The following ZNF613 variants were observed in gnomAD, a reference collection of about 807,000 sequenced individuals.
The protein encoded by ZNF613 is zinc finger protein 613.
Under a neutral mutation model 14.3 loss-of-function variants are expected in ZNF613, and 8 were observed. That is an observed-to-expected ratio of 0.56 (90% CI 0.33 to 1.01). The LOEUF is 1.01. Ranked by LOEUF, ZNF613 falls within the 50% of genes least tolerant of loss-of-function variation. The pLI, the probability that ZNF613 is intolerant of heterozygous loss-of-function variation, is 0.03. For missense variants in ZNF613, 656 were observed against 741.9 expected, an observed-to-expected ratio of 0.88 and a Z score of 1.35; for synonymous variants, 228 against 254.5, an observed-to-expected ratio of 0.90 and a Z score of 0.99.
At chr19:51,932,302 CTTTTTTTTTT>C (rs34474633) in intron 2 of ZNF613, among the ~76,000 whole-genome samples, 3 of 90,944 alleles carry the variant, frequency 3.3e-5, no homozygotes, top group African/African-American at 4.2e-5. Flanking sequence ...CTCCCAACAT[CTTTTTTTTTT>C]TTTTTTTTTT....
chr19:51,932,577 G>T (rs1361223572), intron 2 of ZNF613, among the ~76,000 whole-genome samples: 1 of 152,112 alleles, frequency 6.6e-6, no homozygotes, highest in Non-Finnish European at 1.5e-5. Context: ...GATTACAGGC[G>T]TGAGCCACCG....
At chr19:51,929,254 G>A (rs1368084627) in intron 1 of ZNF613, among the ~76,000 whole-genome samples, 1 of 152,118 alleles carries the variant, frequency 6.6e-6, no homozygotes, top group South Asian at 2.1e-4. Context: ...ATACCATCAA[G>A]AGGCAAAACT....
rs1211333488 is a variant in ZNF613 at position 51,945,259 on chromosome 19, C to G, written c.1376C>G (p.Thr459Ser). 1 of 1,614,086 alleles carries G rather than the reference C, an allele frequency of 6.2e-7. No homozygotes were observed. The change falls in exon 6 of 6, where the codon ACT (threonine) becomes AGT (serine). Residue 459 changes from threonine (T) to serine (S), a missense_variant. Transcript: ENST00000293471. ...FHTGKTPFVC[T>S]ECGKSCSHKS... is the part of the protein sequence containing the mutation. ...ACAGGAAAGACACCCTTTGTATGTA[C>G]TGAGTGTGGAAAATCCTGCTCACAC...
chr19:51,928,450 T>A (rs1211901555), intron 1 of ZNF613, among the ~76,000 whole-genome samples: 2 of 152,206 alleles, frequency 1.3e-5, no homozygotes, highest in African/African-American at 4.8e-5. Flanking sequence ...TCTCAGTCCC[T>A]TTTAAGTTTC....
At chr19:51,929,448 T>A (rs1028172123) in intron 1 of ZNF613, among the ~76,000 whole-genome samples, 7 of 152,208 alleles carry the variant, frequency 4.6e-5, no homozygotes. Flanking sequence ...GGTGTGTTTT[T>A]AATTTTGACC....
chr19:51,937,054 G>A (rs1426113230), intron 3 of ZNF613, among the ~76,000 whole-genome samples: 5 of 152,196 alleles, frequency 3.3e-5, no homozygotes, highest in African/African-American at 1.2e-4. Context: ...AGGTTGGTGT[G>A]TGCAGAGAGA....
intron 3 of ZNF613, among the ~76,000 whole-genome samples, chr19:51,937,386 G>T (rs1387887094): frequency 6.6e-6 from 1 of 152,162 alleles, no homozygotes; most frequent in African/African-American, 2.4e-5. Flanking sequence ...ACACCTATTG[G>T]GTGTTAGAGA....
In ZNF613 at chr19:51,944,741, G is replaced by A; in HGVS notation, c.858G>A (p.Lys286=). Reference sequence around the variant, plus strand: ...ACCAGAAAATTCATACAGGAGAGAAGTCATATATATGCAGTGATTGTGGAA... The same window carrying A: ...ACCAGAAAATTCATACAGGAGAGAAATCATATATATGCAGTGATTGTGGAA... The part of the protein sequence containing the change: ...NAHQKIHTGE[K]SYICSDCGKG... Residue 286 remains lysine (K), a synonymous_variant, in exon 6 of 6, where the codon AAG becomes AAA. Transcript: ENST00000293471. 1 of 1,613,282 alleles carries A rather than the reference G, an allele frequency of 6.2e-7. No homozygotes were observed. The highest frequency in any genetic ancestry group is 8.5e-7 in the Non-Finnish European group (1 of 1,179,896).
rs372326461 is a variant in ZNF613 at position 51,945,688 on chromosome 19, C to T, written c.1805C>T (p.Pro602Leu). ...AGCAAAGTAGCCATTGTGAGCCAGC[C>T]TGTTGCCAGAAGTTCAGTCTCAGCA... Reference protein sequence around the residue: ...AESKVAIVSQPVARSSVSADS... With the variant: ...AESKVAIVSQLVARSSVSADS... Residue 602 changes from proline to leucine, a missense_variant, in exon 6 of 6, where the codon CCT (proline) becomes CTT (leucine). Physicochemically the swap from Pro to Leu is moderately conservative, Grantham distance 98 (BLOSUM62 -3). Transcript: ENST00000293471. 3 of 1,614,034 alleles carry T rather than the reference C, an allele frequency of 1.9e-6. No individual in the cohort carries two copies. Among genetic ancestry groups the T allele is most frequent in the African/African-American group, 2.7e-5 (2 of 74,924 alleles).
At chr19:51,937,883 C>T (rs60581730) in intron 3 of ZNF613, among the ~76,000 whole-genome samples, 13,770 of 151,866 alleles carry the variant, frequency 0.091, 751 homozygotes, top group South Asian at 0.23. Context: ...GCATGCACTA[C>T]GACTGCCCGG....
intron 3 of ZNF613, among the ~76,000 whole-genome samples, chr19:51,939,096 A>G (rs1424960674): frequency 2.6e-5 from 4 of 151,572 alleles, no homozygotes; most frequent in Non-Finnish European, 2.9e-5. Context: ...GACCTTACCT[A>G]TCCTCTGTAT....
Position 51,927,480 on chromosome 19 carries a change from G to C in ZNF613, c.-419G>C, listed in dbSNP as rs568084726. ...TTGGAGGCTGGGGGAGGGCCCAGAA[G>C]TGGAATAATTCAGGAAAGTGCAGGT... On this transcript the variant is annotated 5_prime_UTR_variant, in exon 1 of 6. Coordinates refer to ENST00000293471, the MANE Select transcript of ZNF613 (RefSeq NM_001031721.4). 1 of 152,308 alleles carries C rather than the reference G, an allele frequency of 6.6e-6. No individual in the cohort carries two copies. The highest frequency in any genetic ancestry group is 1.9e-4 in the East Asian group (1 of 5,150). 9.4% of individuals were successfully genotyped at this position (152,308 alleles called of 1,614,324 possible). A position where few individuals can be genotyped will look rare whatever the true frequency, so the allele number is the denominator to read the frequency against.
chr19:51,931,922 G>C (rs527717762), intron 2 of ZNF613, among the ~76,000 whole-genome samples: 155 of 152,308 alleles, frequency 1.0e-3, no homozygotes, highest in African/African-American at 3.6e-3. Flanking sequence ...AAACAAAAGA[G>C]TATATTTGGA....
rs1206871173 is a variant in ZNF613 at position 51,936,080 on chromosome 19, G to T, written c.-141G>T. ...ACACTTCAAGTGAGGTGAGGAGGAG[G>T]TTCCAGGACCTGGATACCATCCTTT... is the stretch of plus-strand genomic sequence containing the variant. On this transcript the variant is annotated 5_prime_UTR_variant, in exon 3 of 6. Transcript: ENST00000293471. 1 of 793,392 alleles carries T rather than the reference G, an allele frequency of 1.3e-6. No individual in the cohort carries two copies. Among genetic ancestry groups the T allele is most frequent in the Non-Finnish European group, 2.0e-6 (1 of 510,510 alleles). 49.1% of individuals were successfully genotyped at this position (793,392 alleles called of 1,614,324 possible).
rs200762062 is a variant in ZNF613, at chr19:51,940,652, T to A, written c.178T>A (p.Leu60Met). The stretch of plus-strand genomic sequence containing the variant: ...CAGCAAACCAGATGCACTCTTCAAG[T>A]TGGAACAAGGAGAGCCATGGACAGT... ...QASKPDALFK[L>M]EQGEPWTVEN... is the part of the protein sequence containing the mutation. The change falls in exon 5 of 6, where the codon TTG (leucine) becomes ATG (methionine). Residue 60 changes from leucine to methionine, a missense_variant. Transcript: ENST00000293471. 1 of 1,613,664 alleles carries A rather than the reference T, an allele frequency of 6.2e-7. No homozygotes were observed. The highest frequency in any genetic ancestry group is 1.1e-5 in the South Asian group (1 of 91,038).
chr19:51,940,433 G>C, intron 4 of ZNF613, 98 bp downstream of exon 4: 1 of 1,598,026 alleles, frequency 6.3e-7, no homozygotes, highest in Non-Finnish European at 8.6e-7. Context: ...GTGCTCTGAA[G>C]TGGTAGATTC....
In ZNF613 at chr19:51,945,842, C is replaced by A; in HGVS notation, c.*105C>A. 1.5e-6 allele frequency: 2 copies of A among 1,316,476 alleles called. No homozygotes were observed. Among genetic ancestry groups the A allele is most frequent in the South Asian group, 1.3e-5 (1 of 75,404 alleles). 81.5% of individuals were successfully genotyped at this position (1,316,476 alleles called of 1,614,324 possible). ...AACTGATATATTCAAGGTGGAAAGC[C>A]CTTGAATAAAACCTTATGGCTAATA... is the stretch of plus-strand genomic sequence containing the variant. On this transcript the variant is annotated 3_prime_UTR_variant, in exon 6 of 6. Coordinates refer to ENST00000293471, the MANE Select transcript of ZNF613 (RefSeq NM_001031721.4).
chr19:51,932,027 G>A (rs548912516), intron 2 of ZNF613, among the ~76,000 whole-genome samples: 4 of 152,138 alleles, frequency 2.6e-5, no homozygotes, highest in African/African-American at 4.8e-5. Flanking sequence ...TAGAGAGAAG[G>A]GGGGGTGATT....
intron 3 of ZNF613, among the ~76,000 whole-genome samples, chr19:51,937,098 G>A (rs897031217): frequency 2.0e-5 from 3 of 152,206 alleles, no homozygotes; most frequent in Non-Finnish European, 4.4e-5. Flanking sequence ...CCACCATACT[G>A]TGCCCTGTGC....
Sources: allele counts gnomAD v4.1 joint callset (sites outside exome capture counted in the v4.1 genomes callset), GRCh38; gene constraint gnomAD v4.1.1; transcripts MANE v1.5; gene names NCBI Gene and HGNC (gene_info 2026-07-23, HGNC 2026-07-21).